Variants in RYK observed in about 807,000 individuals in gnomAD.
RYK encodes the protein receptor like tyrosine kinase.
Under a neutral mutation model 70.2 loss-of-function variants are expected in RYK, and 21 were observed. That is an observed-to-expected ratio of 0.30 (90% CI 0.21 to 0.43). The LOEUF is 0.43. Among genes scored for constraint, RYK ranks in the 20% least tolerant of loss-of-function variants. The pLI, the probability that RYK is intolerant of heterozygous loss-of-function variation, is 1.00. For synonymous variants in RYK, 267 were observed against 278.0 expected, an observed-to-expected ratio of 0.96 and a Z score of 0.39; for missense variants, 604 against 753.3, an observed-to-expected ratio of 0.80 and a Z score of 2.32.
chr3:134,215,443 G>T (rs747351374), intron 2 of RYK, among the ~76,000 whole-genome samples: 42 of 152,200 alleles, frequency 2.8e-4, no homozygotes, highest in Admixed American at 5.9e-4. Context: ...CTCCTTGCTG[G>T]CTCCTTTTTT....
chr3:134,187,305 TTAAG>T (rs2013496416), intron 9 of RYK, among the ~76,000 whole-genome samples: 1 of 152,224 alleles, frequency 6.6e-6, no homozygotes, highest in South Asian at 2.1e-4. Context: ...ATGTATTCCT[TTAAG>T]TAAATTTAGA....
chr3:134,207,665 A>C, intron 4 of RYK, 140 bp from the exon 5 acceptor site: 1 of 583,906 alleles, frequency 1.7e-6, no homozygotes, highest in Non-Finnish European at 3.0e-6. Context: ...TACTATTCTG[A>C]TAATCACCAC....
intron 2 of RYK, among the ~76,000 whole-genome samples, chr3:134,217,274 T>G (rs1017128272): frequency 5.3e-5 from 8 of 152,188 alleles, no homozygotes; most frequent in African/African-American, 1.9e-4. Flanking sequence ...GATAAAGTAT[T>G]AGAGCTTGAG....
chr3:134,176,130 C>CA (rs2013092278), intron 11 of RYK, 91 bp from the exon 12 acceptor site: 1 of 762,126 alleles, frequency 1.3e-6, no homozygotes, highest in East Asian at 2.7e-5. Context: ...CTACTCCATC[C>CA]AAAAATACTG....
chr3:134,178,372 C>T (rs2013181511), intron 10 of RYK: 1 of 215,232 alleles, frequency 4.6e-6, no homozygotes, highest in Non-Finnish European at 8.9e-6. Context: ...ATCTTTACTC[C>T]AAAGGGCAAT....
At chr3:134,236,238 TGA>T (rs988059042) in intron 1 of RYK, among the ~76,000 whole-genome samples, 4 of 152,022 alleles carry the variant, frequency 2.6e-5, no homozygotes, top group African/African-American at 9.7e-5. Context: ...AAGAGAATGC[TGA>T]GACACTGTAG....
At chr3:134,217,085 T>C (rs2014579059) in intron 2 of RYK, among the ~76,000 whole-genome samples, 1 of 152,136 alleles carries the variant, frequency 6.6e-6, no homozygotes, top group Non-Finnish European at 1.5e-5. Flanking sequence ...CCACAATCTG[T>C]GTGGCAAGAC....
At chr3:134,245,042 T>A (rs963862735) in intron 1 of RYK, among the ~76,000 whole-genome samples, 4 of 152,204 alleles carry the variant, frequency 2.6e-5, no homozygotes, top group African/African-American at 9.6e-5. Flanking sequence ...TCCAAAACTG[T>A]GAGAAATAAA....
intron 1 of RYK, among the ~76,000 whole-genome samples, chr3:134,226,267 T>C (rs539644731): frequency 1.3e-5 from 2 of 152,096 alleles, no homozygotes; most frequent in Admixed American, 6.5e-5. Flanking sequence ...TAAACAACTT[T>C]GACAATAAAA....
intron 8 of RYK, 104 bp from the exon 9 acceptor site, chr3:134,189,027 A>G: frequency 1.5e-6 from 1 of 651,182 alleles, no homozygotes; most frequent in Non-Finnish European, 2.5e-6. Context: ...ACAAGGTCAT[A>G]TGTGATCAAC....
At chr3:134,171,755 T>G (rs1198227758) in intron 13 of RYK, among the ~76,000 whole-genome samples, 1 of 151,818 alleles carries the variant, frequency 6.6e-6, no homozygotes, top group Non-Finnish European at 1.5e-5. Context: ...TAGTCCTAGC[T>G]ACTCAGGAGG....
rs537280957 is a variant in RYK at position 134,197,344 on chromosome 3, G to A, written c.789-2162C>T. Among the ~76,000 whole-genome samples, 17 of 152,254 alleles carry A rather than the reference G, an allele frequency of 1.1e-4. 1 individual carries two copies. The highest frequency in any genetic ancestry group is 2.4e-4 in the African/African-American group (10 of 41,538). On this transcript the variant is annotated intron_variant, in intron 6 of 14. Coordinates refer to ENST00000623711, the MANE Select transcript of RYK (RefSeq NM_002958.4). ...CAGTATCATCGATTACTAGCTGTAC[G>A]GCCTAGGACAAACTATTTAATCCTC...
Position 134,159,146 on chromosome 3 carries a change from C to T in RYK, c.1712+91G>A, listed in dbSNP as rs979821645. 5 of 1,310,044 alleles carry T rather than the reference C, an allele frequency of 3.8e-6. No homozygotes were observed. In the African/African-American group the frequency reaches 4.4e-5, roughly 11 times the overall value. 81.2% of individuals were successfully genotyped at this position (1,310,044 alleles called of 1,614,324 possible). Reference sequence around the variant, plus strand: ...GAGTCATTATTCTCAAAAGGGAAGGCTCTGTGTGAATATGGAAACCTGCTC... The same window carrying T: ...GAGTCATTATTCTCAAAAGGGAAGGTTCTGTGTGAATATGGAAACCTGCTC... On this transcript the variant is annotated intron_variant, in intron 14 of 14. Coordinates refer to ENST00000623711, the MANE Select transcript of RYK (RefSeq NM_002958.4).
intron 1 of RYK, 26 bp downstream of exon 1, chr3:134,250,397 G>A (rs866874602): frequency 9.6e-6 from 13 of 1,353,258 alleles, no homozygotes; most frequent in South Asian, 1.7e-5. Flanking sequence ...CGACCTGCCC[G>A]CCCCGGCCTC....
At chr3:134,244,696 G>A (rs752830830) in intron 1 of RYK, among the ~76,000 whole-genome samples, 4 of 152,138 alleles carry the variant, frequency 2.6e-5, no homozygotes, top group Admixed American at 6.5e-5. Flanking sequence ...CATCAGGACC[G>A]TGTGCCCTAC....
At chr3:134,216,112 T>G (rs2014545059) in intron 2 of RYK, among the ~76,000 whole-genome samples, 1 of 151,512 alleles carries the variant, frequency 6.6e-6, no homozygotes, top group African/African-American at 2.4e-5. Flanking sequence ...ATATCAACAT[T>G]TGAATAAACT....
chr3:134,210,636 C>T (rs2014362197), intron 3 of RYK, among the ~76,000 whole-genome samples: 1 of 152,102 alleles, frequency 6.6e-6, no homozygotes, highest in Non-Finnish European at 1.5e-5. Context: ...TTAAAAATAT[C>T]CATTTCTTAC....
chr3:134,188,837 CT>C lies in RYK; in HGVS notation c.1101del (p.Asp368IlefsTer8). On this transcript the variant is annotated frameshift_variant and splice_region_variant, in exon 9 of 15. Transcript: ENST00000623711. LOFTEE classifies it high-confidence loss of function. The stretch of plus-strand genomic sequence containing the variant: ...AAATACTATGGAAAAAAGATCCTAC[CT>C]TTAACTGTTTTGACAAATGCTTGTT... ...KEKQAFVKTV[K>X]DQASEIQVTM... The C allele has an allele frequency of 6.5e-7, 1 of 1,536,824 alleles. No homozygotes were observed. The highest frequency in any genetic ancestry group is 8.9e-7 in the Non-Finnish European group (1 of 1,118,526).
At chr3:134,161,793 C>A (rs779475885) in intron 13 of RYK, among the ~76,000 whole-genome samples, 10 of 152,120 alleles carry the variant, frequency 6.6e-5, no homozygotes, top group Non-Finnish European at 1.3e-4. Context: ...GAAAACTCAA[C>A]ACTGTTTGGT....
Sources: allele counts gnomAD v4.1 joint callset (sites outside exome capture counted in the v4.1 genomes callset), GRCh38; gene constraint gnomAD v4.1.1; transcripts MANE v1.5; gene names NCBI Gene and HGNC (gene_info 2026-07-23, HGNC 2026-07-21).